ENTHD1: variants seen among roughly 807,000 people sequenced by gnomAD.
ENTHD1 encodes the protein ENTH domain-containing protein 1.
Under a neutral mutation model 39.1 loss-of-function variants are expected in ENTHD1, and 23 were observed. The ratio of observed to expected loss-of-function variants is 0.59; its 90% CI spans 0.42 to 0.83. ENTHD1 has a LOEUF of 0.83. ENTHD1 is among the 40% of genes least tolerant of loss of function. The pLI, the probability that ENTHD1 is intolerant of heterozygous loss-of-function variation, is 0.00. For missense variants in ENTHD1, 624 were observed against 705.4 expected (o/e 0.88, Z 1.31); for synonymous variants, 230 against 258.2 (o/e 0.89, Z 1.05).
intron 3 of ENTHD1, among the ~76,000 whole-genome samples, chr22:39,836,660 G>C (rs766602629): frequency 6.6e-6 from 1 of 152,150 alleles, no homozygotes; most frequent in African/African-American, 2.4e-5. Flanking sequence ...GTTTGGATTT[G>C]TGTCCCCACC....
At chr22:39,793,925 A>G (rs945877237) in intron 5 of ENTHD1, among the ~76,000 whole-genome samples, 2 of 152,168 alleles carry the variant, frequency 1.3e-5, no homozygotes, top group South Asian at 2.1e-4. Flanking sequence ...TTTGCTCAGG[A>G]TCACTTCGGC....
intron 5 of ENTHD1, among the ~76,000 whole-genome samples, chr22:39,806,737 G>A (rs1236229442): frequency 6.6e-6 from 1 of 152,040 alleles, no homozygotes; most frequent in Non-Finnish European, 1.5e-5. Flanking sequence ...GCAGGCACAG[G>A]GTGTCTTCAG....
chr22:39,793,342 T>TTG (rs369285109), intron 5 of ENTHD1, among the ~76,000 whole-genome samples: 51 of 123,678 alleles, frequency 4.1e-4, no homozygotes, highest in Middle Eastern at 4.2e-3. Flanking sequence ...TTATTAGTTG[T>TTG]TTTTTTTTTT....
intron 3 of ENTHD1, among the ~76,000 whole-genome samples, chr22:39,845,375 G>C (rs937438901): frequency 6.6e-6 from 1 of 152,114 alleles, no homozygotes; most frequent in East Asian, 1.9e-4. Flanking sequence ...GCCCTTAACC[G>C]TTATACTCTA....
intron 5 of ENTHD1, among the ~76,000 whole-genome samples, chr22:39,787,244 G>A (rs958384786): frequency 2.6e-5 from 4 of 151,982 alleles, no homozygotes; most frequent in African/African-American, 7.2e-5. Flanking sequence ...TGTTTCCACC[G>A]ACCAGCCATC....
chr22:39,836,119 T>C (rs2065906491), intron 3 of ENTHD1, among the ~76,000 whole-genome samples, 161 bp from the exon 4 acceptor site: 2 of 152,230 alleles, frequency 1.3e-5, no homozygotes, highest in Admixed American at 1.3e-4. Flanking sequence ...ATCACTTTAA[T>C]ATGTCTCTTT....
chr22:39,849,793 C>T (rs1054372457), intron 3 of ENTHD1, among the ~76,000 whole-genome samples: 3 of 152,074 alleles, frequency 2.0e-5, no homozygotes, highest in Admixed American at 6.5e-5. Context: ...GTAGATCTTT[C>T]GAAGTTTTCT....
chr22:39,880,954 T>A lies in ENTHD1; in HGVS notation c.349+6446A>T, dbSNP rs187590328. On this transcript the variant is annotated intron_variant, in intron 2 of 6. Transcript: ENST00000325157. ...ATCTTGACTCTGCTAACTAGCTGTG[T>A]GGAGAGTTATTCAACCTCTGTGCAC... Among the ~76,000 whole-genome samples the A allele has an allele frequency of 1.7e-4, 26 of 152,314 alleles. No individual in the cohort carries two copies. In the East Asian group the frequency reaches 4.6e-3, roughly 27 times the overall value.
intron 5 of ENTHD1, among the ~76,000 whole-genome samples, chr22:39,805,417 C>T (rs905132254): frequency 6.6e-6 from 1 of 152,188 alleles, no homozygotes; most frequent in African/African-American, 2.4e-5. Context: ...AGAGAATTAG[C>T]TGAGCGAGGG....
At chr22:39,887,015 T>G (rs1198158742) in intron 2 of ENTHD1, among the ~76,000 whole-genome samples, 1 of 151,990 alleles carries the variant, frequency 6.6e-6, no homozygotes, top group Non-Finnish European at 1.5e-5. Flanking sequence ...TGTGTTCACT[T>G]TTTTTTTCCT....
rs188144887 is a variant in ENTHD1, at chr22:39,823,450, T to A, written c.712-2337A>T. Among the ~76,000 whole-genome samples, 834 of 152,152 alleles carry A rather than the reference T, an allele frequency of 5.5e-3. 8 individuals are homozygous for A. The highest frequency in any genetic ancestry group is 0.02 in the Middle Eastern group (6 of 294). On this transcript the variant is annotated intron_variant, in intron 4 of 6. Transcript: ENST00000325157. The stretch of plus-strand genomic sequence containing the variant: ...GCCTCAACTTCCCAGGCTCAAGTGA[T>A]CCTCCCACTTCAGCCTCCCAAGTAG...
intron 3 of ENTHD1, among the ~76,000 whole-genome samples, chr22:39,855,951 A>G (rs922251298): frequency 3.3e-5 from 5 of 152,170 alleles, no homozygotes; most frequent in African/African-American, 1.2e-4. Flanking sequence ...TTGAGTTTTA[A>G]TTTGCTACTT....
chr22:39,782,006 G>A (rs966459044), intron 5 of ENTHD1, among the ~76,000 whole-genome samples: 2 of 152,106 alleles, frequency 1.3e-5, no homozygotes, highest in Non-Finnish European at 2.9e-5. Flanking sequence ...AACAAGATTG[G>A]CCGGGCATGG....
chr22:39,837,223 T>G (rs1047416043), intron 3 of ENTHD1, among the ~76,000 whole-genome samples: 1 of 152,206 alleles, frequency 6.6e-6, no homozygotes, highest in Non-Finnish European at 1.5e-5. Context: ...CAAATTGGTA[T>G]ATACACACTA....
At position 39,743,959 on chromosome 22, in the gene ENTHD1, T is replaced by A. The variant is rs1569120171; in HGVS notation, c.1544A>T (p.Glu515Val). 1.2e-6 allele frequency: 2 copies of A among 1,614,056 alleles called. No homozygotes were observed. The highest frequency in any genetic ancestry group is 1.7e-6 in the Non-Finnish European group (2 of 1,179,998). ...CTGGTCTACATTTTGGGTGGAAAAC[T>A]CCCCCCAGTGACTACTAGAAATGTG... ...ISHISSSHWGEFSTQNVDQFI... is the reference protein window; with the variant it reads ...ISHISSSHWGVFSTQNVDQFI... Residue 515 changes from glutamate (E) to valine (V), a missense_variant, in exon 7 of 7, where the codon GAG becomes GTG. Transcript: ENST00000325157.
chr22:39,838,437 A>C (rs938931537), intron 3 of ENTHD1, among the ~76,000 whole-genome samples: 1 of 152,270 alleles, frequency 6.6e-6, no homozygotes, highest in Non-Finnish European at 1.5e-5. Context: ...AAATTCATAG[A>C]ATTGACTGAC....
intron 2 of ENTHD1, among the ~76,000 whole-genome samples, chr22:39,878,529 G>A: frequency 6.7e-6 from 1 of 148,976 alleles, no homozygotes. Context: ...AGAAACCAGA[G>A]GCAAAAAACA....
At chr22:39,761,025 A>T (rs2065228992) in intron 6 of ENTHD1, among the ~76,000 whole-genome samples, 1 of 152,130 alleles carries the variant, frequency 6.6e-6, no homozygotes, top group Admixed American at 6.6e-5. Flanking sequence ...ATATTTATCC[A>T]CATATTTATA....
At chr22:39,828,771 A>G (rs1439453609) in intron 4 of ENTHD1, among the ~76,000 whole-genome samples, 1 of 152,204 alleles carries the variant, frequency 6.6e-6, no homozygotes, top group East Asian at 1.9e-4. Context: ...CTTATTCATT[A>G]GCAAATCTAA....
Sources: allele counts gnomAD v4.1 joint callset (sites outside exome capture counted in the v4.1 genomes callset), GRCh38; gene constraint gnomAD v4.1.1; transcripts MANE v1.5; gene names NCBI Gene and HGNC (gene_info 2026-07-23, HGNC 2026-07-21).